TNIK: variants seen among roughly 807,000 people sequenced by gnomAD.
TNIK encodes the protein TRAF2 and NCK interacting kinase, also known as TRAF2 and NCK-interacting protein kinase.
TNIK carries 49 observed loss-of-function variants against 191.3 expected under a neutral mutation model. The ratio of observed to expected loss-of-function variants is 0.26; its 90% CI spans 0.20 to 0.32. The LOEUF (loss-of-function observed/expected upper bound fraction) is 0.32, where lower values mean the gene tolerates loss of function less well. Ranked by LOEUF, TNIK falls within the 10% of genes least tolerant of loss-of-function variation. TNIK has a pLI of 1.00. For missense variants in TNIK, 1,155 were observed against 1,702.3 expected (o/e 0.68, Z 5.66); for synonymous variants, 594 against 600.9 (o/e 0.99, Z 0.17).
chr3:171,194,635 A>G lies in TNIK; in HGVS notation c.307T>C (p.Leu103=). The change falls in exon 5 of 33, where the codon TTG becomes CTG. Residue 103 remains leucine, a splice_region_variant and synonymous_variant. Coordinates refer to ENST00000436636, the MANE Select transcript of TNIK (RefSeq NM_015028.4). Reference sequence around the variant, plus strand: ...CCAGCACCACAAAACTCCATCACCAACTGGCAAAGGAAGCAAACAAGCCAT... The same window carrying G: ...CCAGCACCACAAAACTCCATCACCAGCTGGCAAAGGAAGCAAACAAGCCAT... The part of the protein sequence containing the change: ...NPPGMDDQLW[L]VMEFCGAGSV... 6.2e-7 allele frequency: 1 copy of G among 1,613,346 alleles called. No individual in the cohort carries two copies. Among genetic ancestry groups the G allele is most frequent in the South Asian group, 1.1e-5 (1 of 90,960 alleles).
At position 171,382,252 on chromosome 3, in the gene TNIK, G is replaced by A. The variant is rs191979861; in HGVS notation, c.58-12567C>T. ...TTTTTTTTTTTTTTGAGACAGTCTC[G>A]CTCTGTCAGCCAGGCTGGAGGGCAG... On this transcript the variant is annotated intron_variant, in intron 1 of 32. Coordinates refer to ENST00000436636, the MANE Select transcript of TNIK (RefSeq NM_015028.4). Among the ~76,000 whole-genome samples the A allele has an allele frequency of 5.0e-3, 581 of 116,752 alleles. 1 individual carries two copies. Among genetic ancestry groups the A allele is most frequent in the African/African-American group, 0.018 (558 of 30,942 alleles). The allele number at this position is 116,752 out of a possible 152,430, so 76.6% of individuals were successfully genotyped here.
intron 2 of TNIK, among the ~76,000 whole-genome samples, chr3:171,300,569 T>C (rs1490994709): frequency 6.6e-6 from 1 of 152,164 alleles, no homozygotes; most frequent in Non-Finnish European, 1.5e-5. Context: ...TCAATATAAA[T>C]GATGGTGACA....
intron 29 of TNIK, 38 bp downstream of exon 29, chr3:171,071,185 T>G (rs1719131315): frequency 6.6e-7 from 1 of 1,523,994 alleles, no homozygotes; most frequent in Non-Finnish European, 8.8e-7. Context: ...CGGAAAATTT[T>G]TAAAAAGCAC....
intron 1 of TNIK, among the ~76,000 whole-genome samples, chr3:171,384,219 C>T (rs148817724): frequency 6.6e-6 from 1 of 152,334 alleles, no homozygotes; most frequent in Non-Finnish European, 1.5e-5. Context: ...TTCCAAAGAT[C>T]GCTTTGAATG....
intron 1 of TNIK, among the ~76,000 whole-genome samples, chr3:171,391,486 G>T (rs116084427): frequency 1.3e-5 from 2 of 152,294 alleles, no homozygotes; most frequent in African/African-American, 4.8e-5. Context: ...GCTGAAGATG[G>T]CACTGACTTC....
At chr3:171,295,608 C>G (rs1752204392) in intron 2 of TNIK, among the ~76,000 whole-genome samples, 1 of 152,206 alleles carries the variant, frequency 6.6e-6, no homozygotes, top group South Asian at 2.1e-4. Flanking sequence ...AATTAGGTAA[C>G]TTGAAAAAGT....
chr3:171,428,313 A>G (rs367616059), intron 1 of TNIK, among the ~76,000 whole-genome samples: 1 of 152,178 alleles, frequency 6.6e-6, no homozygotes, highest in East Asian at 1.9e-4. Context: ...TTTCTGATGG[A>G]TCTAATGATC....
At chr3:171,339,526 T>A (rs559899510) in intron 2 of TNIK, among the ~76,000 whole-genome samples, 2 of 152,324 alleles carry the variant, frequency 1.3e-5, no homozygotes, top group East Asian at 3.9e-4. Context: ...AAGGCAGAGA[T>A]CTGCGTCTGT....
At chr3:171,099,375 A>ATTTTT (rs35357404) in intron 22 of TNIK, among the ~76,000 whole-genome samples, 42 of 145,722 alleles carry the variant, frequency 2.9e-4, no homozygotes, top group African/African-American at 9.9e-4. Flanking sequence ...TTACCTCAGG[A>ATTTTT]TTTTTTTTTT....
At chr3:171,066,843 C>A in intron 30 of TNIK, 108 bp from the exon 31 acceptor site, 4 of 1,327,720 alleles carry the variant, frequency 3.0e-6, no homozygotes, top group East Asian at 2.5e-5. Flanking sequence ...TTCATTGTCA[C>A]CCTAAAGACT....
At chr3:171,255,193 G>A (rs1020735711) in intron 2 of TNIK, among the ~76,000 whole-genome samples, 2 of 152,138 alleles carry the variant, frequency 1.3e-5, no homozygotes, top group Non-Finnish European at 1.5e-5. Flanking sequence ...TGAAGTTCTT[G>A]AAAGAAACAT....
chr3:171,187,479 G>A (rs1215653226), intron 7 of TNIK, among the ~76,000 whole-genome samples: 3 of 152,086 alleles, frequency 2.0e-5, no homozygotes, highest in South Asian at 2.1e-4. Context: ...ACTGAGATAC[G>A]GGGCCTCAAA....
chr3:171,146,311 T>G (rs1343455677), intron 12 of TNIK, among the ~76,000 whole-genome samples: 1 of 152,180 alleles, frequency 6.6e-6, no homozygotes, highest in Non-Finnish European at 1.5e-5. Context: ...CCACCTTAAC[T>G]CCTCCTTTTG....
intron 2 of TNIK, among the ~76,000 whole-genome samples, chr3:171,346,250 CTG>C (rs1712167597): frequency 6.6e-6 from 1 of 152,102 alleles, no homozygotes; most frequent in Admixed American, 6.6e-5. Context: ...AATTGAGTCA[CTG>C]TAGATAAATG....
chr3:171,285,926 C>A (rs1750959134), intron 2 of TNIK, among the ~76,000 whole-genome samples: 1 of 152,192 alleles, frequency 6.6e-6, no homozygotes, highest in Non-Finnish European at 1.5e-5. Flanking sequence ...CACTTCGGGG[C>A]AAATTGGCTA....
At chr3:171,400,851 C>T (rs1035319132) in intron 1 of TNIK, among the ~76,000 whole-genome samples, 7 of 152,274 alleles carry the variant, frequency 4.6e-5, no homozygotes, top group Middle Eastern at 6.8e-3. Context: ...AAGCGTCCTT[C>T]GGATTTGGCT....
At chr3:171,285,992 A>C (rs1750966232) in intron 2 of TNIK, among the ~76,000 whole-genome samples, 1 of 151,874 alleles carries the variant, frequency 6.6e-6, no homozygotes, top group African/African-American at 2.4e-5. Context: ...GATCAGGAGG[A>C]TACAGCCTTA....
rs534372576 is a variant in TNIK at position 171,292,364 on chromosome 3, ATTTTAACAAGCAATTAGTT to A, written c.124-64162_124-64144del. On this transcript the variant is annotated intron_variant, in intron 2 of 32. Coordinates refer to ENST00000436636, the MANE Select transcript of TNIK (RefSeq NM_015028.4). ...TTTCCTTTGAACAGTGTTAATGTTT[ATTTTAACAAGCAATTAGTT>A]TTGTTAAACTGCAAACCCTGTCTTG... is the stretch of plus-strand genomic sequence containing the variant. Among the ~76,000 whole-genome samples the A allele has an allele frequency of 2.0e-5, 3 of 152,308 alleles. No individual in the cohort carries two copies. The East Asian group carries it at 5.8e-4, about 29-fold the overall frequency.
At chr3:171,171,774 T>A (rs1349533147) in intron 9 of TNIK, among the ~76,000 whole-genome samples, 2 of 152,168 alleles carry the variant, frequency 1.3e-5, no homozygotes, top group African/African-American at 4.8e-5. Flanking sequence ...GGAGATGGTT[T>A]ACCCCTGCGA....
Sources: allele counts gnomAD v4.1 joint callset (sites outside exome capture counted in the v4.1 genomes callset), GRCh38; gene constraint gnomAD v4.1.1; transcripts MANE v1.5; gene names NCBI Gene and HGNC (gene_info 2026-07-23, HGNC 2026-07-21).